The following ACAD11 variants were observed in gnomAD, a reference collection of about 807,000 sequenced individuals.
The protein encoded by ACAD11 is acyl-CoA dehydrogenase family member 11.
In ACAD11, 83 loss-of-function variants were observed where a neutral mutation model predicts 102.2. That is an observed-to-expected ratio of 0.81 (90% confidence interval 0.68 to 0.97). The LOEUF (loss-of-function observed/expected upper bound fraction) is 0.97, where lower values mean the gene tolerates loss of function less well. ACAD11 is among the 50% of genes least tolerant of loss of function. The probability of loss-of-function intolerance (pLI) is 0.00; values close to 1 mark genes in which losing one functional copy is unlikely to be tolerated. For synonymous variants in ACAD11, 324 were observed against 319.8 expected (o/e 1.01, Z -0.14); for missense variants, 901 against 951.7 (o/e 0.95, Z 0.70).
At chr3:132,602,450 T>C (rs1938653100) in intron 13 of ACAD11, among the ~76,000 whole-genome samples, 1 of 152,176 alleles carries the variant, frequency 6.6e-6, no homozygotes, top group Non-Finnish European at 1.5e-5. Flanking sequence ...AAAAATACAT[T>C]ATCCCATGCA....
intron 11 of ACAD11, among the ~76,000 whole-genome samples, chr3:132,612,559 G>T (rs531393638): frequency 0.013 from 1,907 of 152,004 alleles, 66 homozygotes; most frequent in African/African-American, 0.043. Context: ...TCAACAAGTG[G>T]GTGAACGATA....
At chr3:132,641,284 C>T (rs950270239) in intron 4 of ACAD11, among the ~76,000 whole-genome samples, 2 of 152,124 alleles carry the variant, frequency 1.3e-5, no homozygotes, top group African/African-American at 4.8e-5. Flanking sequence ...TGGCTCACGC[C>T]TGTAATTCCA....
Position 132,642,001 on chromosome 3 carries a change from C to T in ACAD11, c.508G>A (p.Gly170Ser), listed in dbSNP as rs1425383861. 2.5e-6 allele frequency: 4 copies of T among 1,613,522 alleles called. No homozygotes were observed. In the South Asian group the frequency reaches 3.3e-5, roughly 13 times the overall value. ...CTTTTGCAGTACCCAGCACCTATAC[C>T]ATATCCTTCCAGCTGCAGTGACTGT... is the stretch of plus-strand genomic sequence containing the variant. Reference protein sequence around the residue: ...NIQSLQLEGYGIGAGYCKRQV... With the variant: ...NIQSLQLEGYSIGAGYCKRQV... The change falls in exon 4 of 20, where the codon GGT becomes AGT. Residue 170 changes from glycine to serine, a missense_variant. Coordinates refer to ENST00000264990, the MANE Select transcript of ACAD11 (RefSeq NM_032169.5).
rs370542195 is a variant in ACAD11 at position 132,621,191 on chromosome 3, C to A, written c.1198-1646G>T. The A allele has an allele frequency of 7.4e-4, 113 of 152,140 alleles. 1 individual carries two copies. Among genetic ancestry groups the A allele is most frequent in the African/African-American group, 2.6e-3 (108 of 41,508 alleles). 9.4% of individuals were successfully genotyped at this position (152,140 alleles called of 1,614,324 possible). On this transcript the variant is annotated intron_variant, in intron 9 of 19. Coordinates refer to ENST00000264990, the MANE Select transcript of ACAD11 (RefSeq NM_032169.5). ...CCTCAAATTCGGAAAGCCAATGAAG[C>A]CAGAGCATAGTAAAACTACAGAACA...
At chr3:132,610,556 A>G (rs528728824) in intron 11 of ACAD11, among the ~76,000 whole-genome samples, 1 of 152,350 alleles carries the variant, frequency 6.6e-6, no homozygotes, top group South Asian at 2.1e-4. Context: ...CACCGATCCC[A>G]CAGAAATACA....
At chr3:132,561,333 A>T in intron 17 of ACAD11, 116 bp from the exon 18 acceptor site, 1 of 767,852 alleles carries the variant, frequency 1.3e-6, no homozygotes, top group Non-Finnish European at 2.3e-6. Flanking sequence ...GATTGTTCAC[A>T]AGCTTTACTC....
At chr3:132,600,813 T>C in intron 13 of ACAD11, 1 of 1,614,048 alleles carries the variant, frequency 6.2e-7, no homozygotes, top group East Asian at 2.2e-5. Context: ...GACAGATATG[T>C]GGCAGTAACT....
intron 5 of ACAD11, among the ~76,000 whole-genome samples, chr3:132,631,897 CT>C (rs1221189623): frequency 6.6e-6 from 1 of 152,116 alleles, no homozygotes; most frequent in Non-Finnish European, 1.5e-5. Context: ...ATCCATGGTA[CT>C]TTTAAAAGTT....
intron 13 of ACAD11, among the ~76,000 whole-genome samples, chr3:132,591,291 C>T (rs1261382595): frequency 6.6e-6 from 1 of 152,124 alleles, no homozygotes; most frequent in African/African-American, 2.4e-5. Flanking sequence ...TTTTTGTCAG[C>T]CTTGTCAAAG....
At chr3:132,641,891 A>G in intron 4 of ACAD11, 81 bp downstream of exon 4, 2 of 1,320,656 alleles carry the variant, frequency 1.5e-6, no homozygotes, top group Non-Finnish European at 2.0e-6. Context: ...AAACTATACA[A>G]TAATAGCTTT....
intron 8 of ACAD11, 118 bp downstream of exon 8, chr3:132,628,222 G>T: frequency 1.9e-6 from 1 of 530,058 alleles, no homozygotes; most frequent in Non-Finnish European, 3.2e-6. Context: ...TATTGTGATT[G>T]GCAGCAGCAA....
chr3:132,602,137 G>T (rs548455649), intron 13 of ACAD11: 29 of 164,200 alleles, frequency 1.8e-4, no homozygotes, highest in African/African-American at 6.6e-4. Context: ...CTTTTTTCCT[G>T]TTTTTTTTAA....
chr3:132,597,004 T>A (rs936753343), intron 13 of ACAD11, among the ~76,000 whole-genome samples: 1 of 152,212 alleles, frequency 6.6e-6, no homozygotes, highest in Non-Finnish European at 1.5e-5. Flanking sequence ...ATTCTCCTTC[T>A]GGTTCAGCAG....
intron 17 of ACAD11, among the ~76,000 whole-genome samples, chr3:132,574,514 A>G (rs1937466690): frequency 6.6e-6 from 1 of 152,246 alleles, no homozygotes; most frequent in South Asian, 2.1e-4. Context: ...GCTGAATAAT[A>G]CTTTACAAAA....
At chr3:132,641,645 GA>G (rs1940517127) in intron 4 of ACAD11, among the ~76,000 whole-genome samples, 1 of 150,080 alleles carries the variant, frequency 6.7e-6, no homozygotes, top group South Asian at 2.1e-4. Flanking sequence ...AGAAGAGGAA[GA>G]AGAGGAGGAA....
intron 13 of ACAD11, among the ~76,000 whole-genome samples, chr3:132,591,507 G>T (rs2107808216): frequency 6.6e-6 from 1 of 152,200 alleles, no homozygotes; most frequent in African/African-American, 2.4e-5. Flanking sequence ...TTGAACCCTG[G>T]TCTAAAGCCC....
intron 5 of ACAD11, among the ~76,000 whole-genome samples, chr3:132,634,260 C>A (rs1361180620): frequency 6.6e-6 from 1 of 152,206 alleles, no homozygotes; most frequent in Non-Finnish European, 1.5e-5. Context: ...TGAACAGACA[C>A]TTCTCAAAAG....
chr3:132,558,835 G>T lies in ACAD11; in HGVS notation c.*136C>A. 1.6e-6 allele frequency: 1 copy of T among 644,118 alleles called. No homozygotes were observed. The highest frequency in any genetic ancestry group is 2.7e-6 in the Non-Finnish European group (1 of 370,166). 39.9% of individuals were successfully genotyped at this position (644,118 alleles called of 1,614,324 possible). ...ATAAAACCCACTGATCAAAATAGAT[G>T]CTATAATCTTTACCACAAATGAATA... On this transcript the variant is annotated 3_prime_UTR_variant, in exon 20 of 20. Transcript: ENST00000264990.
chr3:132,616,648 A>T (rs1012803157), intron 11 of ACAD11, among the ~76,000 whole-genome samples: 1 of 152,214 alleles, frequency 6.6e-6, no homozygotes, highest in African/African-American at 2.4e-5. Flanking sequence ...TTGGGTCACA[A>T]TATAAAATAT....
Sources: gnomAD v4.1 joint callset for allele counts (sites outside exome capture counted in the v4.1 genomes callset) on GRCh38, gnomAD v4.1.1 for gene constraint, MANE v1.5 for transcripts, NCBI Gene and HGNC (gene_info 2026-07-23, HGNC 2026-07-21) for gene names.